ENDOG: variants seen among roughly 807,000 people sequenced by gnomAD.
ENDOG encodes endonuclease G, mitochondrial.
Under a neutral mutation model 22.6 loss-of-function variants are expected in ENDOG, and 22 were observed. The ratio of observed to expected loss-of-function variants is 0.97; its 90% CI spans 0.70 to 1.39. The LOEUF is 1.39. Ranked by LOEUF, ENDOG falls within the 40% of genes most tolerant of loss-of-function variation. The probability of loss-of-function intolerance (pLI) is 0.00; values close to 1 mark genes in which losing one functional copy is unlikely to be tolerated. For missense variants in ENDOG, 403 were observed against 431.3 expected (o/e 0.93, Z 0.58); for synonymous variants, 173 against 200.2 (o/e 0.86, Z 1.15).
Position 128,822,625 on chromosome 9 carries a change from G to T in ENDOG, c.*15G>T, listed in dbSNP as rs941460179. 2 of 1,563,558 alleles carry T rather than the reference G, an allele frequency of 1.3e-6. No homozygotes were observed. The highest frequency in any genetic ancestry group is 2.7e-5 in the African/African-American group (2 of 74,074). On this transcript the variant is annotated 3_prime_UTR_variant, in exon 3 of 3. Coordinates refer to ENST00000372642, the MANE Select transcript of ENDOG (RefSeq NM_004435.2). ...GCAGTAAGTGAGGGTGGAGCCCAGT[G>T]AGACTGTGGGTGTGTGCAGGCCGGG...
chr9:128,822,325 C>A lies in ENDOG; in HGVS notation c.612-3C>A. On this transcript the variant is annotated splice_polypyrimidine_tract_variant and splice_region_variant and intron_variant, in intron 2 of 2. Transcript: ENST00000372642. The stretch of plus-strand genomic sequence containing the variant: ...GCCCACGTGTGCCTGGGTCTGCCCA[C>A]AGGACAGAGGCTGATGGGAAATCCT... The A allele has an allele frequency of 3.7e-6, 6 of 1,612,464 alleles. 1 individual carries two copies. The South Asian group carries it at 6.6e-5, about 18-fold the overall frequency.
intron 2 of ENDOG, chr9:128,821,846 T>C (rs1589590427): frequency 5.8e-6 from 1 of 173,468 alleles, no homozygotes; most frequent in Admixed American, 5.5e-5. Context: ...GCCAAGGCGG[T>C]GGTTGGGGCA....
In ENDOG at chr9:128,819,194, C is replaced by A; in HGVS notation, c.501+9C>A. 2 of 1,466,950 alleles carry A rather than the reference C, an allele frequency of 1.4e-6. No homozygotes were observed. The highest frequency in any genetic ancestry group is 9.0e-7 in the Non-Finnish European group (1 of 1,115,754). The allele number at this position is 1,466,950 out of a possible 1,614,324, so 90.9% of individuals were successfully genotyped here. A position where few individuals can be genotyped will look rare whatever the true frequency, so the allele number is the denominator to read the frequency against. On this transcript the variant is annotated intron_variant, in intron 1 of 2. Coordinates refer to ENST00000372642, the MANE Select transcript of ENDOG (RefSeq NM_004435.2). ...GCAACGTCGCGCCCCAGGTAGCGCC[C>A]GCGCCCCGGGCCGGTCGCGGAATGC... is the stretch of plus-strand genomic sequence containing the variant.
intron 2 of ENDOG, 85 bp downstream of exon 2, chr9:128,820,933 C>A: frequency 7.8e-7 from 1 of 1,274,168 alleles, no homozygotes; most frequent in Non-Finnish European, 1.1e-6. Context: ...TTGCCCCAGG[C>A]TCTGGGTCAA....
chr9:128,822,155 G>A, intron 2 of ENDOG, 173 bp from the exon 3 acceptor site: 1 of 734,046 alleles, frequency 1.4e-6, no homozygotes, highest in Non-Finnish European at 2.2e-6. Context: ...TAACCACCCT[G>A]GAGAGAGTTC....
At chr9:128,820,891 T>C (rs2280845) in intron 2 of ENDOG, 43 bp downstream of exon 2, 1,114,353 of 1,537,664 alleles carry the variant, frequency 0.72, 410,645 homozygotes, top group Admixed American at 0.78. Flanking sequence ...CCCACTCACC[T>C]GAGGCCCCTA....
chr9:128,819,285 G>A (rs1781337877), intron 1 of ENDOG, 100 bp downstream of exon 1: 1 of 1,364,148 alleles, frequency 7.3e-7, no homozygotes, highest in Admixed American at 3.8e-5. Context: ...GCTGCCCAAC[G>A]CGCCCCCGGT....
chr9:128,820,659 C>A, intron 1 of ENDOG, 80 bp from the exon 2 acceptor site: 1 of 1,203,590 alleles, frequency 8.3e-7, no homozygotes, highest in Non-Finnish European at 1.2e-6. Context: ...CTGTCCATCC[C>A]CTCAGGACCT....
intron 1 of ENDOG, chr9:128,820,429 C>T (rs1053359876): frequency 5.6e-5 from 18 of 324,052 alleles, no homozygotes; most frequent in African/African-American, 3.8e-4. Context: ...TCCCAGGAGA[C>T]CCTGGGTGGG....
chr9:128,820,601 C>T, intron 1 of ENDOG, 138 bp from the exon 2 acceptor site: 1 of 706,922 alleles, frequency 1.4e-6, no homozygotes, highest in Non-Finnish European at 2.4e-6. Flanking sequence ...GACTTTCATT[C>T]CTTGAGCCTC....
intron 1 of ENDOG, chr9:128,820,478 C>A: frequency 4.2e-6 from 2 of 476,978 alleles, no homozygotes. Context: ...AAGGTGGAGA[C>A]AGGCTCTTCC....
rs891477694 is a variant in ENDOG, at chr9:128,818,517, G to A, written c.-168G>A. 9 of 774,348 alleles carry A rather than the reference G, an allele frequency of 1.2e-5. No individual in the cohort carries two copies. The highest frequency in any genetic ancestry group is 5.6e-5 in the African/African-American group (3 of 53,294). The allele number at this position is 774,348 out of a possible 1,614,324, so 48.0% of individuals were successfully genotyped here. On this transcript the variant is annotated 5_prime_UTR_variant, in exon 1 of 3. Transcript: ENST00000372642. Reference sequence around the variant, plus strand: ...CGCCGGGGACACCCGGTTGGGCTCTGCTGCTCCCTTCTGGGTTCCGAGGCC... The same window carrying A: ...CGCCGGGGACACCCGGTTGGGCTCTACTGCTCCCTTCTGGGTTCCGAGGCC...
chr9:128,822,092 C>T (rs1589590690), intron 2 of ENDOG: 9 of 577,322 alleles, frequency 1.6e-5, no homozygotes, highest in Middle Eastern at 4.6e-4. Context: ...CGTTTATTGT[C>T]GCCCACTCTG....
Position 128,819,201 on chromosome 9 carries a change from C to T in ENDOG, c.501+16C>T. The T allele has an allele frequency of 6.9e-7, 1 of 1,450,644 alleles. No homozygotes were observed. 89.9% of individuals were successfully genotyped at this position (1,450,644 alleles called of 1,614,324 possible). ...CGCGCCCCAGGTAGCGCCCGCGCCC[C>T]GGGCCGGTCGCGGAATGCGGGGCCG... On this transcript the variant is annotated intron_variant, in intron 1 of 2. Transcript: ENST00000372642.
At chr9:128,820,416 T>C (rs1475201586) in intron 1 of ENDOG, 2 of 285,920 alleles carry the variant, frequency 7.0e-6, no homozygotes, top group African/African-American at 2.2e-5. Context: ...GAAGGGCTGG[T>C]CTTCCCAGGA....
At position 128,818,649 on chromosome 9, in the gene ENDOG, C is replaced by T; in HGVS notation, c.-36C>T. On this transcript the variant is annotated 5_prime_UTR_variant, in exon 1 of 3. Coordinates refer to ENST00000372642, the MANE Select transcript of ENDOG (RefSeq NM_004435.2). Reference sequence around the variant, plus strand: ...CCCGCGACGCGGCTCCTTTAAGAGCCTCGCGGGTCGCCCGCCGCTAGGTCG... The same window carrying T: ...CCCGCGACGCGGCTCCTTTAAGAGCTTCGCGGGTCGCCCGCCGCTAGGTCG... 2 of 1,155,744 alleles carry T rather than the reference C, an allele frequency of 1.7e-6. No homozygotes were observed. 71.6% of individuals were successfully genotyped at this position (1,155,744 alleles called of 1,614,324 possible). A position where few individuals can be genotyped will look rare whatever the true frequency, so the allele number is the denominator to read the frequency against.
At chr9:128,819,556 C>T (rs1451868503) in intron 1 of ENDOG, 1 of 227,002 alleles carries the variant, frequency 4.4e-6, no homozygotes, top group African/African-American at 2.3e-5. Context: ...AGAACCGCAG[C>T]GCCCAACCTA....
chr9:128,821,124 G>A lies in ENDOG; in HGVS notation c.611+276G>A, dbSNP rs1424518048. The A allele has an allele frequency of 6.0e-6, 3 of 499,180 alleles. No individual in the cohort carries two copies. The Admixed American group carries it at 1.0e-4, about 17-fold the overall frequency. 30.9% of individuals were successfully genotyped at this position (499,180 alleles called of 1,614,324 possible). ...TCTCCCTGCTGTCACCTCTTGGCAT[G>A]CCCACCCAATCTTGTTCTGCCAATA... On this transcript the variant is annotated intron_variant, in intron 2 of 2. Coordinates refer to ENST00000372642, the MANE Select transcript of ENDOG (RefSeq NM_004435.2).
chr9:128,821,305 C>T lies in ENDOG; in HGVS notation c.611+457C>T, dbSNP rs541548246. ...AGGTCCGAGGTGCACCGAGCTCTCC[C>T]GCCTTCCCCATGCAGGTCCCCAGTG... On this transcript the variant is annotated intron_variant, in intron 2 of 2. Coordinates refer to ENST00000372642, the MANE Select transcript of ENDOG (RefSeq NM_004435.2). 1.6e-5 allele frequency: 3 copies of T among 193,400 alleles called. No homozygotes were observed. In the Admixed American group the frequency reaches 1.7e-4, roughly 11 times the overall value. The allele number at this position is 193,400 out of a possible 1,614,324, so 12.0% of individuals were successfully genotyped here.
Sources: gnomAD v4.1 joint callset for allele counts on GRCh38, gnomAD v4.1.1 for gene constraint, MANE v1.5 for transcripts, NCBI Gene and HGNC (gene_info 2026-07-23, HGNC 2026-07-21) for gene names.